The following ANKRD36 variants were observed in gnomAD, a reference collection of about 807,000 sequenced individuals.
The protein encoded by ANKRD36 is ankyrin repeat domain-containing protein 36A.
Under a neutral mutation model 278.1 loss-of-function variants are expected in ANKRD36, and 179 were observed. That is an observed-to-expected ratio of 0.64 (90% CI 0.57 to 0.73). ANKRD36 has a LOEUF of 0.73. Among genes scored for constraint, ANKRD36 ranks in the 30% least tolerant of loss-of-function variants. The pLI, the probability that ANKRD36 is intolerant of heterozygous loss-of-function variation, is 0.00. For missense variants in ANKRD36, 1,159 were observed against 1,956.7 expected, an observed-to-expected ratio of 0.59 and a Z score of 7.69; for synonymous variants, 320 against 641.1, an observed-to-expected ratio of 0.50 and a Z score of 7.57.
At chr2:97,199,523 CT>C (rs1299148776) in intron 44 of ANKRD36, among the ~76,000 whole-genome samples, 1 of 151,926 alleles carries the variant, frequency 6.6e-6, no homozygotes, top group Non-Finnish European at 1.5e-5. Context: ...CAATTAACTC[CT>C]AAAATGGTCA....
At chr2:97,260,255 G>A (rs1179706953) in intron 75 of ANKRD36, among the ~76,000 whole-genome samples, 2 of 98,520 alleles carry the variant, frequency 2.0e-5, no homozygotes, top group African/African-American at 8.2e-5. Flanking sequence ...TGCTGTGTTA[G>A]CAGGCATGAA....
At chr2:97,180,438 A>C (rs543750338) in intron 24 of ANKRD36, among the ~76,000 whole-genome samples, 1 of 151,618 alleles carries the variant, frequency 6.6e-6, no homozygotes, top group South Asian at 2.1e-4. Context: ...TATTTATGTA[A>C]TTTTGGGGTT....
Position 97,204,242 on chromosome 2 carries a change from G to C in ANKRD36, c.3040G>C (p.Asp1014His), listed in dbSNP as rs111515821. The change falls in exon 50 of 76, where the codon GAT (aspartate) becomes CAT (histidine). Residue 1014 changes from aspartate to histidine, a missense_variant. Coordinates refer to ENST00000420699, the MANE Select transcript of ANKRD36 (RefSeq NM_001354587.1). ...SVLNIARGKK[D>H]GEKTRTVSSQ... is the part of the protein sequence containing the mutation. ...TTTGAATATAGCCAGAGGAAAAAAG[G>C]ATGGAGAAAAAACTAGGACAGGTAA... The C allele has an allele frequency of 1.5e-5, 23 of 1,521,336 alleles. No individual in the cohort carries two copies. The South Asian group carries it at 2.7e-4, about 18-fold the overall frequency. The allele number at this position is 1,521,336 out of a possible 1,614,324, so 94.2% of individuals were successfully genotyped here.
intron 15 of ANKRD36, among the ~76,000 whole-genome samples, chr2:97,155,043 T>C (rs2047124653): frequency 7.0e-6 from 1 of 142,964 alleles, no homozygotes; most frequent in South Asian, 2.1e-4. Context: ...ACAGAGGAGA[T>C]ACAAATTTTG....
intron 66 of ANKRD36, among the ~76,000 whole-genome samples, chr2:97,220,729 CT>C: frequency 0.031 from 2,034 of 66,470 alleles, 31 homozygotes; most frequent in African/African-American, 0.096. Context: ...GATTTTCTTG[CT>C]TTTTTTTTTT....
chr2:97,179,239 GA>G (rs2055377733), intron 22 of ANKRD36, among the ~76,000 whole-genome samples: 1 of 151,502 alleles, frequency 6.6e-6, no homozygotes, highest in Non-Finnish European at 1.5e-5. Context: ...TTCCACTGAA[GA>G]GATTTCAACT....
intron 34 of ANKRD36, among the ~76,000 whole-genome samples, chr2:97,190,709 C>T (rs1303827015): frequency 6.6e-6 from 1 of 151,590 alleles, no homozygotes; most frequent in Non-Finnish European, 1.5e-5. Context: ...GGCATATCCA[C>T]ATTGATATTG....
chr2:97,224,444 G>GTTT (rs1432191197), intron 66 of ANKRD36, among the ~76,000 whole-genome samples: 3 of 143,716 alleles, frequency 2.1e-5, no homozygotes, highest in East Asian at 5.4e-4. Flanking sequence ...TTGTTTTTTT[G>GTTT]TTTTTTTGTT....
At chr2:97,114,622 GAA>G (rs1323392451) in intron 1 of ANKRD36, among the ~76,000 whole-genome samples, 1 of 114,722 alleles carries the variant, frequency 8.7e-6, no homozygotes, top group Non-Finnish European at 1.8e-5. Flanking sequence ...CATAATGAGA[GAA>G]ATCATTTCCA....
Position 97,179,875 on chromosome 2 carries a change from C to G in ANKRD36, c.1677C>G (p.Asp559Glu), listed in dbSNP as rs778558099. 7 of 1,604,950 alleles carry G rather than the reference C, an allele frequency of 4.4e-6. No individual in the cohort carries two copies. Among genetic ancestry groups the G allele is most frequent in the Middle Eastern group, 3.3e-4 (2 of 5,982 alleles). Reference sequence around the variant, plus strand: ...ATCCCATTCAGGCTACAAGTGACGACAAAGATTCTGTTTCAAATATAGCCA... The same window carrying G: ...ATCCCATTCAGGCTACAAGTGACGAGAAAGATTCTGTTTCAAATATAGCCA... ...KQPAEKATSD[D>E]KDSVSNIATE... The change falls in exon 24 of 76, where the codon GAC becomes GAG. Residue 559 changes from aspartate to glutamate, a missense_variant. Transcript: ENST00000420699.
At chr2:97,149,256 T>C (rs1220636877) in intron 11 of ANKRD36, 39 bp from the exon 12 acceptor site, 1 of 1,508,940 alleles carries the variant, frequency 6.6e-7, no homozygotes, top group Non-Finnish European at 8.9e-7. Flanking sequence ...TTTTAAGAAA[T>C]GAATGAGCTC....
chr2:97,124,434 T>G, intron 4 of ANKRD36, 26 bp from the exon 5 acceptor site: 1 of 1,536,176 alleles, frequency 6.5e-7, no homozygotes, highest in East Asian at 2.5e-5. Flanking sequence ...TCATTAAAGT[T>G]TTTAATTACC....
At chr2:97,204,017 A>T in intron 48 of ANKRD36, 51 bp from the exon 49 acceptor site, 1 of 1,546,928 alleles carries the variant, frequency 6.5e-7, no homozygotes, top group Admixed American at 2.0e-5. Context: ...ATGTATGGAT[A>T]ATTTTGTCAT....
chr2:97,221,707 A>T (rs1421920313), intron 66 of ANKRD36, among the ~76,000 whole-genome samples: 191 of 150,560 alleles, frequency 1.3e-3, no homozygotes, highest in African/African-American at 4.4e-3. Flanking sequence ...GGTTGTGAAA[A>T]TTTTCTCCCA....
At chr2:97,144,911 C>T (rs971530539) in intron 10 of ANKRD36, among the ~76,000 whole-genome samples, 199 bp downstream of exon 10, 5 of 151,916 alleles carry the variant, frequency 3.3e-5, no homozygotes, top group African/African-American at 1.2e-4. Flanking sequence ...TTTTAGACTT[C>T]CCTACATTGA....
At chr2:97,193,093 A>G (rs772901042) in intron 38 of ANKRD36, 40 bp downstream of exon 38, 16 of 1,485,170 alleles carry the variant, frequency 1.1e-5, no homozygotes, top group Non-Finnish European at 1.2e-5. Context: ...TTCAGTGCAG[A>G]TAGATAAGAA....
chr2:97,195,498 TG>T (rs1279777879), intron 40 of ANKRD36, among the ~76,000 whole-genome samples: 2 of 152,030 alleles, frequency 1.3e-5, no homozygotes, highest in African/African-American at 4.8e-5. Context: ...TATTTGATTT[TG>T]GCAGCTCCAG....
intron 6 of ANKRD36, among the ~76,000 whole-genome samples, chr2:97,129,952 G>A (rs1428333124): frequency 2.6e-5 from 4 of 152,070 alleles, no homozygotes; most frequent in East Asian, 1.9e-4. Flanking sequence ...TTGGCAATGC[G>A]GGCTCTTTTT....
Position 97,118,422 on chromosome 2 carries a change from G to A in ANKRD36, c.391G>A (p.Gly131Arg). ...CAATCCAAATATTACGGATTTCTTT[G>A]GAAGGACTGCTCTGCACTACGCTGT... ...GANPNITDFFGRTALHYAVYN... is the reference protein window; with the variant it reads ...GANPNITDFFRRTALHYAVYN... Residue 131 changes from glycine (G) to arginine (R), a missense_variant, in exon 3 of 76, where the codon GGA becomes AGA. Gly to Arg is a moderately radical substitution (Grantham distance 125, BLOSUM62 -2). Coordinates refer to ENST00000420699, the MANE Select transcript of ANKRD36 (RefSeq NM_001354587.1). 6.2e-7 allele frequency: 1 copy of A among 1,607,102 alleles called. No individual in the cohort carries two copies. The highest frequency in any genetic ancestry group is 8.5e-7 in the Non-Finnish European group (1 of 1,177,604).
Sources: allele counts gnomAD v4.1 joint callset (sites outside exome capture counted in the v4.1 genomes callset), GRCh38; gene constraint gnomAD v4.1.1; transcripts MANE v1.5; gene names NCBI Gene and HGNC (gene_info 2026-07-23, HGNC 2026-07-21).